The following SPDYE14 variants were observed in gnomAD, a reference collection of about 807,000 sequenced individuals.
SPDYE14 encodes the protein speedy protein E14.
the SPDYE14 span, among the ~76,000 whole-genome samples, chr7:75,257,778 A>G: frequency 3.5e-5 from 1 of 28,280 alleles, no homozygotes; most frequent in African/African-American, 9.3e-5. Context: ...TCTCCTCCCC[A>G]CTCCTCAGCT....
chr7:75,237,716 T>G, the SPDYE14 span: 10 of 110,870 alleles, frequency 9.0e-5, 1 homozygote, highest in South Asian at 3.5e-4. Flanking sequence ...AACTTGCCAC[T>G]CAAACGCCGG....
chr7:75,275,605 G>T, the SPDYE14 span, among the ~76,000 whole-genome samples: 2 of 45,728 alleles, frequency 4.4e-5, 1 homozygote, highest in Non-Finnish European at 1.1e-4. Flanking sequence ...AAGGCCGCAG[G>T]GTCCTCTGCC....
the SPDYE14 span, among the ~76,000 whole-genome samples, chr7:75,241,657 T>G: frequency 4.0e-5 from 1 of 24,970 alleles, no homozygotes; most frequent in Non-Finnish European, 9.8e-5. Context: ...TATGTTTTAC[T>G]GTGGGTCTTG....
the SPDYE14 span, among the ~76,000 whole-genome samples, chr7:75,279,424 C>T: frequency 1.1e-4 from 13 of 115,730 alleles, no homozygotes; most frequent in Admixed American, 1.8e-4. Context: ...GTAGCTGAGA[C>T]TACAGGTGCG....
the SPDYE14 span, among the ~76,000 whole-genome samples, chr7:75,274,495 C>T: frequency 3.0e-5 from 1 of 33,258 alleles, no homozygotes. Flanking sequence ...TGAACTAGTC[C>T]TGGCTTTTTT....
the SPDYE14 span, among the ~76,000 whole-genome samples, chr7:75,256,813 T>A: frequency 8.6e-5 from 1 of 11,606 alleles, no homozygotes; most frequent in African/African-American, 2.0e-4. Flanking sequence ...AAACTCTATC[T>A]CAAAGAAAAA....
chr7:75,247,652 A>G, the SPDYE14 span, among the ~76,000 whole-genome samples: 1 of 24,490 alleles, frequency 4.1e-5, no homozygotes, highest in Non-Finnish European at 1.3e-4. Flanking sequence ...CCGTAGCACA[A>G]TCTCAGTCAC....
chr7:75,273,137 C>T, the SPDYE14 span, among the ~76,000 whole-genome samples: 2 of 59,952 alleles, frequency 3.3e-5, 1 homozygote, highest in Non-Finnish European at 8.7e-5. Context: ...TGCGTGCTTC[C>T]CCTTCACCTT....
the SPDYE14 span, chr7:75,237,693 C>A: frequency 2.8e-5 from 3 of 106,370 alleles, no homozygotes; most frequent in East Asian, 5.4e-4. Context: ...AGCTGGTGTT[C>A]GCTGTAACAA....
chr7:75,260,111 AT>A, the SPDYE14 span, among the ~76,000 whole-genome samples: 754 of 54,540 alleles, frequency 0.014, 2 homozygotes, highest in Non-Finnish European at 0.02. Flanking sequence ...CCTCAGATCT[AT>A]TTTTTTTTTT....
At chr7:75,261,084 C>G in the SPDYE14 span, among the ~76,000 whole-genome samples, 2 of 90,446 alleles carry the variant, frequency 2.2e-5, 1 homozygote, top group Non-Finnish European at 5.4e-5. Context: ...GAGATCGCAC[C>G]ATTGCACTCC....
the SPDYE14 span, among the ~76,000 whole-genome samples, chr7:75,256,839 AG>A: frequency 0.27 from 3,636 of 13,494 alleles, 1,151 homozygotes; most frequent in Middle Eastern, 0.5. Flanking sequence ...AAAAAAAAAA[AG>A]ACCGGGTGCG....
chr7:75,265,248 C>T, the SPDYE14 span, among the ~76,000 whole-genome samples: 1 of 101,086 alleles, frequency 9.9e-6, no homozygotes, highest in Admixed American at 1.2e-4. Context: ...TACAAGCGCA[C>T]ACCACCATGC....
At chr7:75,257,264 T>C in the SPDYE14 span, among the ~76,000 whole-genome samples, 1 of 112,500 alleles carries the variant, frequency 8.9e-6, no homozygotes, top group Non-Finnish European at 1.9e-5. Context: ...AGGAAGTATC[T>C]GTTGAATGAA....
At chr7:75,258,016 G>A in the SPDYE14 span, among the ~76,000 whole-genome samples, 2 of 34,504 alleles carry the variant, frequency 5.8e-5, no homozygotes, top group African/African-American at 1.3e-4. Context: ...TAGTAGAGAC[G>A]GGGTTTCGCC....
At chr7:75,265,112 CTCTTT>C in the SPDYE14 span, among the ~76,000 whole-genome samples, 1 of 12,812 alleles carries the variant, frequency 7.8e-5, no homozygotes, top group African/African-American at 2.1e-4. Context: ...CCCTTCTCTT[CTCTTT>C]TTTCCTTCTT....
the SPDYE14 span, among the ~76,000 whole-genome samples, chr7:75,261,489 G>T: frequency 2.6e-5 from 2 of 75,794 alleles, no homozygotes; most frequent in Non-Finnish European, 2.7e-5. Flanking sequence ...AAGAGACAGT[G>T]TCTTGCTCTG....
At chr7:75,306,745 A>C (rs1787912150), upstream of SPDYE14, among the ~76,000 whole-genome samples, 1 of 30,064 alleles carries the variant, frequency 3.3e-5, no homozygotes, top group African/African-American at 1.1e-4. Flanking sequence ...ATCAGACCAA[A>C]CCTGGGCTGT....
chr7:75,237,788 G>A, the SPDYE14 span: 1 of 113,450 alleles, frequency 8.8e-6, no homozygotes. Flanking sequence ...GCCTGGGGGG[G>A]CTCCCCCGGT....
Sources: allele counts gnomAD v4.1 joint callset (sites outside exome capture counted in the v4.1 genomes callset), GRCh38; gene constraint gnomAD v4.1.1; transcripts MANE v1.5; gene names NCBI Gene and HGNC (gene_info 2026-07-23, HGNC 2026-07-21).